The following BTG4 variants were observed in gnomAD, a reference collection of about 807,000 sequenced individuals.
The protein encoded by BTG4 is protein BTG4.
BTG4 carries 10 observed loss-of-function variants against 19.3 expected under a neutral mutation model. The observed-to-expected ratio is 0.52, with a 90% confidence interval of 0.32 to 0.88. The LOEUF is 0.88. Ranked by LOEUF, BTG4 falls within the 40% of genes least tolerant of loss-of-function variation. The pLI is 0.04. For missense variants in BTG4, 238 were observed against 281.9 expected (o/e 0.84, Z 1.11); for synonymous variants, 91 against 95.7 (o/e 0.95, Z 0.29).
At chr11:111,460,157 C>G in the BTG4 span, 1 of 152,554 alleles carries the variant, frequency 6.6e-6, no homozygotes, top group African/African-American at 2.4e-5. Context: ...AAAGGACCTG[C>G]CTTCCTTCCC....
chr11:111,466,347 T>C (rs1223350123), downstream of BTG4, among the ~76,000 whole-genome samples: 1 of 152,180 alleles, frequency 6.6e-6, no homozygotes, highest in Non-Finnish European at 1.5e-5. Flanking sequence ...CGTACAGATA[T>C]TGTAGGGAAG....
At chr11:111,479,582 G>A (rs910895649) in intron 5 of BTG4, among the ~76,000 whole-genome samples, 17 of 152,052 alleles carry the variant, frequency 1.1e-4, no homozygotes, top group African/African-American at 3.6e-4. Flanking sequence ...GTGAAATTAT[G>A]GATAAATATG....
At chr11:111,509,911 C>CTTTTTTTTTTTTTTTTT (rs1450409427) in intron 1 of BTG4, among the ~76,000 whole-genome samples, 1 of 114,722 alleles carries the variant, frequency 8.7e-6, no homozygotes, top group Non-Finnish European at 1.9e-5. Context: ...TTTCTTTTTT[C>CTTTTTTTTTTTTTTTTT]TTTTTTTTTT....
At chr11:111,458,925 C>G in the BTG4 span, among the ~76,000 whole-genome samples, 1 of 152,144 alleles carries the variant, frequency 6.6e-6, no homozygotes, top group Non-Finnish European at 1.5e-5. Flanking sequence ...ACTGTTTTAC[C>G]ATCTTTTAAA....
chr11:111,401,420 T>C, the BTG4 span, among the ~76,000 whole-genome samples: 1 of 150,668 alleles, frequency 6.6e-6, no homozygotes, highest in Non-Finnish European at 1.5e-5. Flanking sequence ...AGACAGAGCT[T>C]GCAGTGAGCC....
intron 1 of BTG4, among the ~76,000 whole-genome samples, chr11:111,500,141 C>CAA (rs112140379): frequency 2.8e-5 from 4 of 143,074 alleles, no homozygotes; most frequent in African/African-American, 1.0e-4. Context: ...GACTCCGTCT[C>CAA]AAAAAATAAA....
chr11:111,401,361 A>G, the BTG4 span, among the ~76,000 whole-genome samples: 3 of 151,994 alleles, frequency 2.0e-5, no homozygotes, highest in South Asian at 4.1e-4. Flanking sequence ...AGGCGCCTGT[A>G]GTCCCAGCTA....
chr11:111,514,528 CACTG>C, upstream of BTG4: 1 of 510,642 alleles, frequency 2.0e-6, no homozygotes. Context: ...ACTACTCCCC[CACTG>C]ACTCCGACAG....
At chr11:111,415,399 AT>A in the BTG4 span, among the ~76,000 whole-genome samples, 1 of 152,252 alleles carries the variant, frequency 6.6e-6, no homozygotes, top group South Asian at 2.1e-4. Flanking sequence ...GGAAGTGAAT[AT>A]AAAAGATAGG....
At chr11:111,467,386 G>A (rs1019390122), downstream of BTG4, 4 of 336,244 alleles carry the variant, frequency 1.2e-5, no homozygotes, top group Non-Finnish European at 2.1e-5. Context: ...TATTAAATAT[G>A]CAGTTACTCT....
intron 1 of BTG4, among the ~76,000 whole-genome samples, chr11:111,505,365 C>T (rs1364571873): frequency 1.3e-5 from 2 of 151,918 alleles, no homozygotes. Context: ...CAGAAATAAA[C>T]AATGGGAAAT....
At chr11:111,484,670 T>A (rs1176360147) in intron 5 of BTG4, among the ~76,000 whole-genome samples, 2 of 152,002 alleles carry the variant, frequency 1.3e-5, no homozygotes, top group Non-Finnish European at 2.9e-5. Context: ...AAAAGGAAAT[T>A]AAGACATACT....
chr11:111,509,847 G>A (rs1866735939), intron 1 of BTG4, among the ~76,000 whole-genome samples: 1 of 148,480 alleles, frequency 6.7e-6, no homozygotes, highest in Non-Finnish European at 1.5e-5. Flanking sequence ...GAGTTTGTAT[G>A]TATTGAAGGG....
chr11:111,401,832 C>A, the BTG4 span, among the ~76,000 whole-genome samples: 1 of 152,120 alleles, frequency 6.6e-6, no homozygotes, highest in African/African-American at 2.4e-5. Context: ...TCACCTAACT[C>A]AGAGTAGGCT....
Position 111,502,257 on chromosome 11 carries a change from C to T in BTG4, c.-26-3455G>A, listed in dbSNP as rs555098174. 4.6e-5 allele frequency among the ~76,000 whole-genome samples: 7 copies of T among 152,138 alleles called. 1 individual carries two copies. The highest frequency in any genetic ancestry group is 1.7e-4 in the African/African-American group (7 of 41,496). ...AAAGTGCTAGGATTACAGGTGTGAA[C>T]CACCACGCCCGGCCAAGACATTCTG... On this transcript the variant is annotated intron_variant, in intron 1 of 4. Coordinates refer to ENST00000692032, the MANE Select transcript of BTG4 (RefSeq NM_001367975.1).
the BTG4 span, among the ~76,000 whole-genome samples, chr11:111,422,180 TC>T: frequency 6.6e-6 from 1 of 152,208 alleles, no homozygotes; most frequent in East Asian, 1.9e-4. Flanking sequence ...TCTTCTGGTC[TC>T]AGCGACCTTC....
At chr11:111,467,548 T>C (rs536627057) in exon 6 of BTG4, 6 of 654,282 alleles carry the variant, frequency 9.2e-6, no homozygotes, top group Non-Finnish European at 1.7e-5. Flanking sequence ...TGTTTTTTAT[T>C]CTTTTCAGGC....
the BTG4 span, among the ~76,000 whole-genome samples, chr11:111,439,874 T>C: frequency 6.6e-6 from 1 of 152,200 alleles, no homozygotes; most frequent in South Asian, 2.1e-4. Flanking sequence ...CTCATATTGA[T>C]GCGGGAATTG....
chr11:111,395,560 G>A, the BTG4 span, among the ~76,000 whole-genome samples: 1 of 152,260 alleles, frequency 6.6e-6, no homozygotes. Flanking sequence ...AAAAGAGTAT[G>A]TTATGAAAAG....
Sources: allele counts gnomAD v4.1 joint callset (sites outside exome capture counted in the v4.1 genomes callset), GRCh38; gene constraint gnomAD v4.1.1; transcripts MANE v1.5; gene names NCBI Gene and HGNC (gene_info 2026-07-23, HGNC 2026-07-21).